Variants in SNX25 observed in about 807,000 individuals in gnomAD.
The protein encoded by SNX25 is sorting nexin-25.
Under a neutral mutation model 113.7 loss-of-function variants are expected in SNX25, and 62 were observed. The ratio of observed to expected loss-of-function variants is 0.55; its 90% CI spans 0.44 to 0.67. The LOEUF is 0.67. Among genes scored for constraint, SNX25 ranks in the 30% least tolerant of loss-of-function variants. SNX25 has a pLI of 0.00. For missense variants in SNX25, 1,014 were observed against 1,161.0 expected (o/e 0.87, Z 1.84); for synonymous variants, 421 against 436.2 (o/e 0.97, Z 0.43).
intron 1 of SNX25, among the ~76,000 whole-genome samples, chr4:185,231,348 CT>C (rs1397086397): frequency 6.6e-6 from 1 of 151,786 alleles, no homozygotes; most frequent in African/African-American, 2.4e-5. Flanking sequence ...ATCCACCCGC[CT>C]CGGCCTCCCA....
intron 14 of SNX25, among the ~76,000 whole-genome samples, chr4:185,352,242 C>T (rs995102180): frequency 6.6e-6 from 1 of 152,216 alleles, no homozygotes; most frequent in Non-Finnish European, 1.5e-5. Context: ...ACCACGGAGG[C>T]GCCTTGCCTG....
Position 185,334,925 on chromosome 4 carries a change from G to C in SNX25, c.1914+2166G>C, listed in dbSNP as rs907061725. 3.3e-5 allele frequency among the ~76,000 whole-genome samples: 5 copies of C among 152,250 alleles called. No homozygotes were observed. The East Asian group carries it at 7.7e-4, about 23-fold the overall frequency. ...TGGCAGTTGTGCACAGGGCTGAAAG[G>C]GCTCTGAGGATGGAAGGCAGCTGAT... On this transcript the variant is annotated intron_variant, in intron 10 of 18. Coordinates refer to ENST00000652585, the MANE Select transcript of SNX25 (RefSeq NM_001378034.2). This position sits in a 1 kb window ranked among gnomAD's most constrained non-coding sequence, Gnocchi z 4.2.
intron 16 of SNX25, among the ~76,000 whole-genome samples, chr4:185,358,077 G>A (rs941129004): frequency 1.3e-5 from 2 of 152,204 alleles, no homozygotes. Context: ...ATGAGAATCA[G>A]TTTAAGGTTC....
At chr4:185,339,651 C>G in intron 11 of SNX25, 141 bp downstream of exon 11, 2 of 1,060,340 alleles carry the variant, frequency 1.9e-6, no homozygotes, top group East Asian at 2.7e-5. Flanking sequence ...TTCCTTCCCC[C>G]ACAATTTTCA....
chr4:185,241,322 A>T (rs1376800962), intron 1 of SNX25, among the ~76,000 whole-genome samples: 1 of 152,038 alleles, frequency 6.6e-6, no homozygotes, highest in Non-Finnish European at 1.5e-5. Context: ...CCAAAAAAAT[A>T]TGAAAACCAG....
intron 1 of SNX25, among the ~76,000 whole-genome samples, chr4:185,244,299 T>C (rs537475251): frequency 1.2e-4 from 18 of 152,360 alleles, no homozygotes; most frequent in African/African-American, 4.3e-4. Flanking sequence ...GGCCAGGAAC[T>C]TCTTCAATAA....
chr4:185,284,873 C>A (rs752218274), intron 5 of SNX25, among the ~76,000 whole-genome samples: 15 of 152,172 alleles, frequency 9.9e-5, no homozygotes, highest in Non-Finnish European at 8.8e-5. Flanking sequence ...TATTTAGAGG[C>A]ATTCAAAGGA....
intron 9 of SNX25, among the ~76,000 whole-genome samples, chr4:185,330,200 T>C (rs1375239689): frequency 6.6e-6 from 1 of 152,208 alleles, no homozygotes; most frequent in East Asian, 1.9e-4. Flanking sequence ...GGAATGTTTC[T>C]GTGTGGAGGA....
intron 1 of SNX25, among the ~76,000 whole-genome samples, chr4:185,236,049 G>C (rs1015130845): frequency 6.6e-6 from 1 of 152,180 alleles, no homozygotes; most frequent in Non-Finnish European, 1.5e-5. Flanking sequence ...TCTGGTGTGC[G>C]GATGATCTAA....
Position 185,210,041 on chromosome 4 carries a change from C to T in SNX25, c.215C>T (p.Ser72Phe). Residue 72 changes from serine (S) to phenylalanine (F), a missense_variant, in exon 1 of 19, where the codon TCC (serine) becomes TTC (phenylalanine). Transcript: ENST00000652585. The surrounding 1 kb of genome is among the most constrained non-coding windows in gnomAD (Gnocchi z 4.4). Reference sequence around the variant, plus strand: ...GCCGCACTCGCCGCCGTGGCCCTCTCCTTCCTGGGGCCCGGCAGCGGGGAG... The same window carrying T: ...GCCGCACTCGCCGCCGTGGCCCTCTTCTTCCTGGGGCCCGGCAGCGGGGAG... ...AVAALAAVAL[S>F]FLGPGSGEAA... 1.0e-6 allele frequency: 1 copy of T among 983,980 alleles called. No homozygotes were observed. The highest frequency in any genetic ancestry group is 1.2e-6 in the Non-Finnish European group (1 of 829,458). 61.0% of individuals were successfully genotyped at this position (983,980 alleles called of 1,614,324 possible). A position where few individuals can be genotyped will look rare whatever the true frequency, so the allele number is the denominator to read the frequency against.
At chr4:185,309,585 T>C (rs1255439817) in intron 6 of SNX25, among the ~76,000 whole-genome samples, 1 of 152,090 alleles carries the variant, frequency 6.6e-6, no homozygotes, top group Admixed American at 6.5e-5. Context: ...CTAGGAGCCA[T>C]ATTTGATACC....
chr4:185,248,257 C>T (rs958141973), intron 2 of SNX25, among the ~76,000 whole-genome samples: 1 of 152,134 alleles, frequency 6.6e-6, no homozygotes, highest in South Asian at 2.1e-4. Context: ...ATAAAACTTA[C>T]TGGATTTAAA....
At chr4:185,276,118 G>A (rs1392126227) in intron 5 of SNX25, among the ~76,000 whole-genome samples, 1 of 152,116 alleles carries the variant, frequency 6.6e-6, no homozygotes, top group Non-Finnish European at 1.5e-5. Flanking sequence ...TGTAAGAAGG[G>A]GAAATGTTGG....
At chr4:185,375,487 A>AAAATATGTAT in the SNX25 span, 6 of 12,018 alleles carry the variant, frequency 5.0e-4, no homozygotes, top group Non-Finnish European at 8.8e-4. Flanking sequence ...AAAAAAAAAA[A>AAAATATGTAT]ATATATATAT....
At chr4:185,366,662 T>C (rs1389931977), downstream of SNX25, 3 of 152,222 alleles carry the variant, frequency 2.0e-5, no homozygotes, top group Non-Finnish European at 4.4e-5. Flanking sequence ...TCTTTTACCC[T>C]TAGTTTTGTG....
chr4:185,249,774 A>G (rs987347257), intron 2 of SNX25, among the ~76,000 whole-genome samples: 2 of 151,738 alleles, frequency 1.3e-5, no homozygotes, highest in East Asian at 1.9e-4. Context: ...TAGAATTTCC[A>G]TTTGGTTCTT....
intron 1 of SNX25, among the ~76,000 whole-genome samples, chr4:185,226,624 A>T (rs1421980387): frequency 6.6e-6 from 1 of 151,962 alleles, no homozygotes; most frequent in Non-Finnish European, 1.5e-5. Context: ...CTAATTTTTA[A>T]ACTTTTTGTA....
At chr4:185,317,330 G>A (rs544424936) in intron 7 of SNX25, among the ~76,000 whole-genome samples, 30 of 152,352 alleles carry the variant, frequency 2.0e-4, no homozygotes, top group South Asian at 1.0e-3. Context: ...AACAGATGCT[G>A]ACGAGGCTGT....
intron 15 of SNX25, 149 bp from the exon 16 acceptor site, chr4:185,357,522 A>G: frequency 1.5e-6 from 1 of 664,022 alleles, no homozygotes; most frequent in East Asian, 2.7e-5. Flanking sequence ...TTCCTGACCT[A>G]AACCCAAATT....
Sources: allele counts gnomAD v4.1 joint callset (sites outside exome capture counted in the v4.1 genomes callset), GRCh38; gene constraint gnomAD v4.1.1; non-coding constraint Gnocchi (gnomAD v3.1); transcripts MANE v1.5; gene names NCBI Gene and HGNC (gene_info 2026-07-23, HGNC 2026-07-21).